BRMS1L: variants seen among roughly 807,000 people sequenced by gnomAD.
BRMS1L encodes the protein BRMS1 like transcriptional repressor, also known as breast cancer metastasis-suppressor 1-like protein.
In BRMS1L, 23 loss-of-function variants were observed where a neutral mutation model predicts 50.3. The ratio of observed to expected loss-of-function variants is 0.46; its 90% CI spans 0.33 to 0.65. The LOEUF (loss-of-function observed/expected upper bound fraction) is 0.65. BRMS1L is among the 30% of genes least tolerant of loss of function. The pLI is 0.02. For synonymous variants in BRMS1L, 114 were observed against 126.9 expected (o/e 0.90, Z 0.69); for missense variants, 286 against 386.1 (o/e 0.74, Z 2.17).
chr14:35,844,307 C>G (rs1397406487), intron 4 of BRMS1L, among the ~76,000 whole-genome samples: 1 of 152,106 alleles, frequency 6.6e-6, no homozygotes, highest in Non-Finnish European at 1.5e-5. Flanking sequence ...AACCCAGGGC[C>G]CTGGTGACGT....
chr14:35,829,809 G>A, intron 1 of BRMS1L: 1 of 1,251,362 alleles, frequency 8.0e-7, no homozygotes. Flanking sequence ...ACTTTTATTT[G>A]ATGAAGATCA....
At chr14:35,858,369 G>C (rs2078308470) in intron 4 of BRMS1L, among the ~76,000 whole-genome samples, 2 of 152,082 alleles carry the variant, frequency 1.3e-5, no homozygotes, top group Non-Finnish European at 2.9e-5. Context: ...CTCTTTACCA[G>C]CAACCTGGAT....
intron 3 of BRMS1L, 150 bp downstream of exon 3, chr14:35,833,255 C>A: frequency 1.4e-6 from 1 of 737,914 alleles, no homozygotes; most frequent in Non-Finnish European, 2.0e-6. Context: ...CCCACAGTTA[C>A]TGTATTTATT....
rs1203167503 is a variant in BRMS1L, at chr14:35,871,046, A to G, written c.*569A>G. ...AATTAAGCTATTGGGGTTGAAAGCT[A>G]AAAGGAGCACTTTTGTAGAATAGCA... On this transcript the variant is annotated 3_prime_UTR_variant, in exon 10 of 10. Transcript: ENST00000216807. The G allele has an allele frequency of 6.6e-6, 1 of 152,638 alleles. No homozygotes were observed. Among genetic ancestry groups the G allele is most frequent in the Non-Finnish European group, 1.5e-5 (1 of 68,030 alleles). The allele number at this position is 152,638 out of a possible 1,614,324, so 9.5% of individuals were successfully genotyped here.
intron 8 of BRMS1L, among the ~76,000 whole-genome samples, chr14:35,866,210 TG>T (rs1253159318): frequency 6.6e-6 from 1 of 152,184 alleles, no homozygotes; most frequent in Admixed American, 6.5e-5. Context: ...ATTTTTTTTT[TG>T]GAAGTCTAAA....
At chr14:35,832,542 A>G (rs962268368) in intron 2 of BRMS1L, among the ~76,000 whole-genome samples, 2 of 151,930 alleles carry the variant, frequency 1.3e-5, no homozygotes, top group African/African-American at 4.8e-5. Flanking sequence ...GAATACAGTA[A>G]TACTGACTCC....
rs1048166530 is a variant in BRMS1L, at chr14:35,852,757, C to T, written c.442-9833C>T. Among the ~76,000 whole-genome samples, 8 of 151,904 alleles carry T rather than the reference C, an allele frequency of 5.3e-5. No homozygotes were observed. In the South Asian group the frequency reaches 8.3e-4, roughly 16 times the overall value. ...CCATCTTGGCTAACATGGTGAAACC[C>T]CGTCTCTGCTAAAAATACAAAAAAT... On this transcript the variant is annotated intron_variant, in intron 4 of 9. Transcript: ENST00000216807.
intron 4 of BRMS1L, among the ~76,000 whole-genome samples, chr14:35,854,293 A>C (rs1218593500): frequency 6.6e-6 from 1 of 152,200 alleles, no homozygotes; most frequent in Non-Finnish European, 1.5e-5. Flanking sequence ...TTTATTTAGA[A>C]TAATTCTGGA....
chr14:35,865,833 C>A, intron 8 of BRMS1L, 72 bp downstream of exon 8: 1 of 1,285,180 alleles, frequency 7.8e-7, no homozygotes, highest in Non-Finnish European at 1.1e-6. Context: ...TATCTACGTA[C>A]TAAAGAACTC....
At chr14:35,829,744 C>A in intron 1 of BRMS1L, 1 of 804,598 alleles carries the variant, frequency 1.2e-6, no homozygotes, top group Non-Finnish European at 1.7e-6. Flanking sequence ...AATGAGTCAG[C>A]CTTCCATGTT....
rs756678038 is a variant in BRMS1L at position 35,867,966 on chromosome 14, A to G, written c.788A>G (p.Tyr263Cys). ...SARSEEGRLYYDGEWYIRGQT... is the reference protein window; with the variant it reads ...SARSEEGRLYCDGEWYIRGQT... ...AGATCTGAAGAGGGAAGACTATATT[A>G]TGATGGTGAATGGTATATACGTGGA... Residue 263 changes from tyrosine to cysteine, a missense_variant, in exon 9 of 10, where the codon TAT becomes TGT. By Grantham distance (194) the Tyr-to-Cys change is radical. Transcript: ENST00000216807. 1.9e-6 allele frequency: 3 copies of G among 1,612,390 alleles called. No homozygotes were observed. The highest frequency in any genetic ancestry group is 1.3e-5 in the African/African-American group (1 of 74,804).
intron 9 of BRMS1L, 97 bp downstream of exon 9, chr14:35,868,129 A>G (rs2078444991): frequency 2.4e-6 from 3 of 1,261,774 alleles, no homozygotes; most frequent in Admixed American, 2.6e-5. Flanking sequence ...TGCCTATATC[A>G]TTAGTTGCTT....
chr14:35,850,877 A>G (rs1466556987), intron 4 of BRMS1L, among the ~76,000 whole-genome samples: 4 of 152,152 alleles, frequency 2.6e-5, no homozygotes, highest in Non-Finnish European at 5.9e-5. Context: ...AGTTCTTACA[A>G]AAGTTGTCCC....
At chr14:35,849,015 T>C (rs543161017) in intron 4 of BRMS1L, among the ~76,000 whole-genome samples, 13 of 152,252 alleles carry the variant, frequency 8.5e-5, no homozygotes, top group African/African-American at 3.1e-4. Flanking sequence ...TATTTTTTTT[T>C]CTTTTTCTTT....
rs2078441382 is a variant in BRMS1L at position 35,867,867 on chromosome 14, G to A, written c.728-39G>A. ...TCTGACCCTTTGTTCTTCTGACAGT[G>A]TTTTATTAATATAACAGTTTTTGAA... On this transcript the variant is annotated intron_variant, in intron 8 of 9. Coordinates refer to ENST00000216807, the MANE Select transcript of BRMS1L (RefSeq NM_032352.4). 5 of 1,529,626 alleles carry A rather than the reference G, an allele frequency of 3.3e-6. No homozygotes were observed. The East Asian group carries it at 1.2e-4, about 36-fold the overall frequency. The allele number at this position is 1,529,626 out of a possible 1,614,324, so 94.8% of individuals were successfully genotyped here. A position where few individuals can be genotyped will look rare whatever the true frequency, so the allele number is the denominator to read the frequency against.
At chr14:35,857,345 A>G (rs2078295266) in intron 4 of BRMS1L, among the ~76,000 whole-genome samples, 1 of 151,226 alleles carries the variant, frequency 6.6e-6, no homozygotes, top group South Asian at 2.1e-4. Flanking sequence ...GTGTGTATAT[A>G]TTTTTGAAGG....
intron 4 of BRMS1L, among the ~76,000 whole-genome samples, chr14:35,856,611 T>TGG (rs367579267): frequency 1.8e-3 from 269 of 149,488 alleles, no homozygotes; most frequent in African/African-American, 5.9e-3. Flanking sequence ...TACATTTTTT[T>TGG]GGGGGGGGGT....
intron 4 of BRMS1L, among the ~76,000 whole-genome samples, chr14:35,849,490 G>A (rs1442149586): frequency 2.7e-5 from 4 of 149,834 alleles, no homozygotes; most frequent in African/African-American, 9.8e-5. Flanking sequence ...GTGGAGATGG[G>A]GTCATGCTGT....
At chr14:35,838,240 A>G (rs2078019008) in intron 4 of BRMS1L, among the ~76,000 whole-genome samples, 1 of 152,162 alleles carries the variant, frequency 6.6e-6, no homozygotes, top group African/African-American at 2.4e-5. Flanking sequence ...TCCATGGTGT[A>G]TATGTGCCAC....
Sources: gnomAD v4.1 joint callset for allele counts (sites outside exome capture counted in the v4.1 genomes callset) on GRCh38, gnomAD v4.1.1 for gene constraint, MANE v1.5 for transcripts, NCBI Gene and HGNC (gene_info 2026-07-23, HGNC 2026-07-21) for gene names.